UGT2A2: variants seen among roughly 807,000 people sequenced by gnomAD.
The protein encoded by UGT2A2 is UDP glucuronosyltransferase family 2 member A2.
A neutral mutation model predicts 50.7 loss-of-function variants in UGT2A2; 60 were observed. The ratio of observed to expected loss-of-function variants is 1.18; its 90% CI spans 0.96 to 1.47. The LOEUF (loss-of-function observed/expected upper bound fraction) is 1.47, where lower values mean the gene tolerates loss of function less well. Ranked by LOEUF, UGT2A2 falls within the 40% of genes most tolerant of loss-of-function variation. UGT2A2 has a pLI of 0.00. For synonymous variants in UGT2A2, 242 were observed against 214.6 expected, an observed-to-expected ratio of 1.13 and a Z score of -1.11; for missense variants, 762 against 634.0, an observed-to-expected ratio of 1.20 and a Z score of -2.17.
chr4:69,634,251 C>CAAACA (rs144302533), intron 1 of UGT2A2, among the ~76,000 whole-genome samples: 130 of 151,464 alleles, frequency 8.6e-4, no homozygotes, highest in South Asian at 5.2e-3. Flanking sequence ...TCTCAAAAAT[C>CAAACA]AAACAAAACA....
In UGT2A2 at chr4:69,595,165, G is replaced by A. The variant is rs778154247; in HGVS notation, c.1108C>T (p.Leu370Phe). The A allele has an allele frequency of 2.4e-5, 39 of 1,613,646 alleles. No individual in the cohort carries two copies. The highest frequency in any genetic ancestry group is 8.3e-5 in the Admixed American group (5 of 59,982). ...LFDWIPQNDL[L>F]GHPKTKAFIT... ...TTTTCTTTCCCCACAGTCTTACCAA[G>A]AAGATCATTCTGGGGTATCCAATCA... The change falls in exon 4 of 6, where the codon CTT becomes TTT. Residue 370 changes from leucine to phenylalanine, a missense_variant. By Grantham distance (22) the Leu-to-Phe change is conservative. Transcript: ENST00000604629.
At chr4:69,591,736 T>G (rs1380848073) in intron 5 of UGT2A2, among the ~76,000 whole-genome samples, 1 of 152,098 alleles carries the variant, frequency 6.6e-6, no homozygotes, top group Non-Finnish European at 1.5e-5. Flanking sequence ...AGTTTTCAAG[T>G]CAATAATAAA....
chr4:69,615,799 A>C (rs1487805785), intron 1 of UGT2A2, among the ~76,000 whole-genome samples: 1 of 152,054 alleles, frequency 6.6e-6, no homozygotes, highest in Non-Finnish European at 1.5e-5. Context: ...ACCCTTGTGC[A>C]CTGTTGGTGG....
intron 1 of UGT2A2, among the ~76,000 whole-genome samples, chr4:69,613,981 A>T (rs1720218232): frequency 2.0e-5 from 3 of 152,112 alleles, no homozygotes; most frequent in Admixed American, 2.0e-4. Flanking sequence ...AGCCAGAGCA[A>T]TTAGACGAGT....
rs994624184 is a variant in UGT2A2 at position 69,589,345 on chromosome 4, A to G, written c.*27T>C. On this transcript the variant is annotated 3_prime_UTR_variant, in exon 6 of 6. Transcript: ENST00000604629. Reference sequence around the variant, plus strand: ...ACTCAGGATTTTGCCAAACTTAAAAATATATATATTTCCTCTTTTTCTTGA... The same window carrying G: ...ACTCAGGATTTTGCCAAACTTAAAAGTATATATATTTCCTCTTTTTCTTGA... The G allele has an allele frequency of 2.5e-6, 4 of 1,573,964 alleles. No individual in the cohort carries two copies. In the African/African-American group the frequency reaches 4.1e-5, roughly 16 times the overall value.
At position 69,604,231 on chromosome 4, in the gene UGT2A2, C is replaced by G. The variant is rs954190383; in HGVS notation, c.743-4837G>C. Reference sequence around the variant, plus strand: ...AACAGCTGATCTCTTGGCAGAAACTCTACAAGCCAGAAGACAGTGGGGACC... The same window carrying G: ...AACAGCTGATCTCTTGGCAGAAACTGTACAAGCCAGAAGACAGTGGGGACC... On this transcript the variant is annotated intron_variant, in intron 1 of 5. Transcript: ENST00000604629. 5.8e-5 allele frequency among the ~76,000 whole-genome samples: 8 copies of G among 136,980 alleles called. 2 individuals carry two copies. Among genetic ancestry groups the G allele is most frequent in the Non-Finnish European group, 9.3e-5 (6 of 64,380 alleles). 89.9% of individuals were successfully genotyped at this position (136,980 alleles called of 152,430 possible). A position where few individuals can be genotyped will look rare whatever the true frequency, so the allele number is the denominator to read the frequency against.
rs76063048 is a variant in UGT2A2, at chr4:69,630,269, G to A, written c.742+8630C>T. ...ATTTTTTTCTCCTGCAATTTTTGAC[G>A]TAGTTGGAGTGAGGCCATATGCAAC... On this transcript the variant is annotated intron_variant, in intron 1 of 5. Transcript: ENST00000604629. 1.1e-4 allele frequency among the ~76,000 whole-genome samples: 16 copies of A among 152,030 alleles called. No individual in the cohort carries two copies. The East Asian group carries it at 1.7e-3, about 17-fold the overall frequency.
At chr4:69,589,708 A>C (rs1426410704) in intron 5 of UGT2A2, 57 bp from the exon 6 acceptor site, 5 of 1,558,650 alleles carry the variant, frequency 3.2e-6, no homozygotes, top group Non-Finnish European at 4.3e-6. Context: ...TTTTCATTGA[A>C]GATAAATATG....
At chr4:69,606,175 T>A (rs1043158782) in intron 1 of UGT2A2, among the ~76,000 whole-genome samples, 1 of 136,356 alleles carries the variant, frequency 7.3e-6, no homozygotes, top group African/African-American at 3.0e-5. Flanking sequence ...AAATCCTCAA[T>A]AAAATACTGG....
chr4:69,596,575 C>A (rs983557417), intron 2 of UGT2A2, among the ~76,000 whole-genome samples, 194 bp from the exon 3 acceptor site: 1 of 152,024 alleles, frequency 6.6e-6, no homozygotes, highest in Non-Finnish European at 1.5e-5. Context: ...CAGGCTGGAG[C>A]GCAGTGGCAT....
intron 1 of UGT2A2, among the ~76,000 whole-genome samples, chr4:69,634,530 G>C (rs766267225): frequency 6.6e-6 from 1 of 152,102 alleles, no homozygotes; most frequent in East Asian, 1.9e-4. Context: ...TTGCAGACAA[G>C]TTGGATAGAG....
chr4:69,591,252 G>C (rs1718581715), intron 5 of UGT2A2, among the ~76,000 whole-genome samples: 1 of 152,070 alleles, frequency 6.6e-6, no homozygotes, highest in Non-Finnish European at 1.5e-5. Flanking sequence ...AGGTGGCTGG[G>C]GTGCAGCTTG....
chr4:69,589,760 G>T (rs2288741), intron 5 of UGT2A2, 109 bp from the exon 6 acceptor site: 1,106,715 of 1,426,022 alleles, frequency 0.78, 430,534 homozygotes, highest in South Asian at 0.85. Flanking sequence ...ATAGTTACGT[G>T]GAGAAAATAT....
At chr4:69,616,086 T>C (rs1720363204) in intron 1 of UGT2A2, among the ~76,000 whole-genome samples, 1 of 151,938 alleles carries the variant, frequency 6.6e-6, no homozygotes, top group Non-Finnish European at 1.5e-5. Flanking sequence ...TAGAGTTTCC[T>C]CCAGTTAAGT....
intron 1 of UGT2A2, among the ~76,000 whole-genome samples, chr4:69,604,357 G>A (rs1258930211): frequency 7.3e-6 from 1 of 136,322 alleles, no homozygotes; most frequent in Non-Finnish European, 1.6e-5. Flanking sequence ...ATACTTTAGA[G>A]ACAAGCAAAT....
chr4:69,597,951 C>T (rs969753245), intron 2 of UGT2A2, among the ~76,000 whole-genome samples: 14 of 152,064 alleles, frequency 9.2e-5, no homozygotes, highest in African/African-American at 4.8e-5. Flanking sequence ...TATTGTAAAA[C>T]ATGGCTGATT....
At chr4:69,634,117 C>A (rs1397681597) in intron 1 of UGT2A2, among the ~76,000 whole-genome samples, 4 of 151,890 alleles carry the variant, frequency 2.6e-5, no homozygotes, top group Non-Finnish European at 5.9e-5. Context: ...TGGTGACCGG[C>A]GCCTGTAGTC....
intron 4 of UGT2A2, 124 bp from the exon 5 acceptor site, chr4:69,594,820 C>T (rs1718821962): frequency 8.3e-7 from 1 of 1,211,206 alleles, no homozygotes; most frequent in South Asian, 1.6e-5. Flanking sequence ...TCTACAAAAG[C>T]AGATCACATA....
chr4:69,613,095 A>G (rs35281757), intron 1 of UGT2A2, among the ~76,000 whole-genome samples: 59,892 of 151,762 alleles, frequency 0.39, 12,142 homozygotes, highest in African/African-American at 0.48. Context: ...ACTTCACAAA[A>G]GAAGACATAC....
Sources: gnomAD v4.1 joint callset for allele counts (sites outside exome capture counted in the v4.1 genomes callset) on GRCh38, gnomAD v4.1.1 for gene constraint, MANE v1.5 for transcripts, NCBI Gene and HGNC (gene_info 2026-07-23, HGNC 2026-07-21) for gene names.